HIF3A: variants seen among roughly 807,000 people sequenced by gnomAD.
The protein encoded by HIF3A is hypoxia inducible factor 3 subunit alpha, also known as hypoxia-inducible factor 3-alpha.
In HIF3A, 41 loss-of-function variants were observed where a neutral mutation model predicts 67.2. That is an observed-to-expected ratio of 0.61 (90% CI 0.48 to 0.79). The LOEUF is 0.79. Among genes scored for constraint, HIF3A ranks in the 30% least tolerant of loss-of-function variants. The pLI is 0.00. For synonymous variants in HIF3A, 356 were observed against 374.8 expected, an observed-to-expected ratio of 0.95 and a Z score of 0.58; for missense variants, 855 against 898.0, an observed-to-expected ratio of 0.95 and a Z score of 0.61.
chr19:46,297,123 G>T lies in HIF3A; in HGVS notation c.26+21G>T. The T allele has an allele frequency of 8.1e-7, 1 of 1,239,090 alleles. No homozygotes were observed. Among genetic ancestry groups the T allele is most frequent in the Non-Finnish European group, 1.0e-6 (1 of 966,654 alleles). The allele number at this position is 1,239,090 out of a possible 1,614,324, so 76.8% of individuals were successfully genotyped here. On this transcript the variant is annotated intron_variant, in intron 1 of 14. Coordinates refer to ENST00000377670, the MANE Select transcript of HIF3A (RefSeq NM_152795.4). This position sits in a 1 kb window ranked among gnomAD's most constrained non-coding sequence, Gnocchi z 4.5. The stretch of plus-strand genomic sequence containing the variant: ...GCAAGGTACTGAAGTTCGGGGGCAG[G>T]AGTTCTGGGAATTGGGGGGCTCTCC...
intron 1 of HIF3A, among the ~76,000 whole-genome samples, chr19:46,302,234 A>T (rs568099907): frequency 1.3e-5 from 2 of 151,236 alleles, no homozygotes; most frequent in African/African-American, 4.9e-5. Flanking sequence ...GGTTCAAGCG[A>T]TTCTCCTGCC....
intron 8 of HIF3A, among the ~76,000 whole-genome samples, chr19:46,318,352 A>G (rs199847032): frequency 1.3e-5 from 2 of 151,804 alleles, no homozygotes; most frequent in Non-Finnish European, 2.9e-5. Context: ...GAGTTTGAGA[A>G]TAGTCTTGGC....
intron 13 of HIF3A, among the ~76,000 whole-genome samples, chr19:46,333,747 TTTC>T (rs1049755170): frequency 1.1e-4 from 17 of 151,412 alleles, no homozygotes; most frequent in African/African-American, 3.6e-4. Context: ...TTCCTTTCTT[TTTC>T]TTTTCTTTTC....
chr19:46,323,799 A>G (rs1040941763), intron 10 of HIF3A, among the ~76,000 whole-genome samples: 1 of 152,160 alleles, frequency 6.6e-6, no homozygotes, highest in African/African-American at 2.4e-5. Flanking sequence ...ACGAAAACCA[A>G]GCGAAAGGGG....
At chr19:46,336,095 T>C (rs976377969) in intron 14 of HIF3A, among the ~76,000 whole-genome samples, 2 of 130,090 alleles carry the variant, frequency 1.5e-5, no homozygotes, top group Non-Finnish European at 3.3e-5. Flanking sequence ...CTTTTTTTTT[T>C]TTTTTTTTTT....
intron 4 of HIF3A, 71 bp from the exon 5 acceptor site, chr19:46,308,592 C>A: frequency 1.1e-6 from 1 of 903,862 alleles, no homozygotes; most frequent in Non-Finnish European, 1.7e-6. Flanking sequence ...CCTGAGCAGC[C>A]AGGGTGCCGG....
chr19:46,321,505 A>G (rs1342475888), intron 9 of HIF3A, among the ~76,000 whole-genome samples: 1 of 152,096 alleles, frequency 6.6e-6, no homozygotes, highest in African/African-American at 2.4e-5. Context: ...AATTGCTCGA[A>G]CCCAGGAGGC....
intron 14 of HIF3A, among the ~76,000 whole-genome samples, chr19:46,339,206 T>TA (rs898601516): frequency 2.2e-4 from 34 of 151,200 alleles, no homozygotes; most frequent in Non-Finnish European, 3.8e-4. Context: ...CCACCTTATC[T>TA]AAAAAAAAAT....
In HIF3A at chr19:46,322,504, A is replaced by G. The variant is rs190311970; in HGVS notation, c.1335+538A>G. On this transcript the variant is annotated intron_variant, in intron 10 of 14. Coordinates refer to ENST00000377670, the MANE Select transcript of HIF3A (RefSeq NM_152795.4). The stretch of plus-strand genomic sequence containing the variant: ...ACCCAGGCTGGAATGCAGTGGCGCA[A>G]TCTCGGCTCACTGCAACCTCCACCT... 2.5e-3 allele frequency among the ~76,000 whole-genome samples: 376 copies of G among 152,202 alleles called. 9 individuals carry two copies. The highest frequency in any genetic ancestry group is 7.7e-4 in the East Asian group (4 of 5,182).
chr19:46,318,444 G>A (rs1367186149), intron 8 of HIF3A, among the ~76,000 whole-genome samples: 2 of 147,236 alleles, frequency 1.4e-5, no homozygotes, highest in East Asian at 4.4e-4. Context: ...CAGCTACTCA[G>A]GAGGCTGAAG....
chr19:46,309,123 T>G, intron 5 of HIF3A, 28 bp from the exon 6 acceptor site: 1 of 1,592,316 alleles, frequency 6.3e-7, no homozygotes, highest in Non-Finnish European at 8.6e-7. Flanking sequence ...GAGGCACCAC[T>G]GCCTTGTCCC....
chr19:46,304,996 G>C (rs977461285), intron 2 of HIF3A: 1 of 600,458 alleles, frequency 1.7e-6, no homozygotes, highest in Admixed American at 2.4e-5. Context: ...TTAGAATTCT[G>C]TTCCCTTGGG....
chr19:46,330,025 G>A (rs543386392), intron 12 of HIF3A, among the ~76,000 whole-genome samples: 1 of 135,920 alleles, frequency 7.4e-6, no homozygotes, highest in East Asian at 2.6e-4. Context: ...AGGGAGGAAG[G>A]AAAGAAGAAG....
intron 8 of HIF3A, among the ~76,000 whole-genome samples, chr19:46,316,802 CAAA>C (rs35910734): frequency 8.3e-6 from 1 of 120,528 alleles, no homozygotes; most frequent in Non-Finnish European, 1.7e-5. Flanking sequence ...GACTCCATCT[CAAA>C]AAAAAAAAAA....
intron 14 of HIF3A, among the ~76,000 whole-genome samples, chr19:46,335,235 C>T (rs1033314609): frequency 5.3e-5 from 8 of 149,848 alleles, no homozygotes; most frequent in East Asian, 3.9e-4. Flanking sequence ...GGAGCCTGCA[C>T]GCCTATGATC....
chr19:46,303,546 C>A, intron 1 of HIF3A: 2 of 1,419,452 alleles, frequency 1.4e-6, no homozygotes, highest in Non-Finnish European at 9.5e-7. Flanking sequence ...AGCCCCCTCC[C>A]AGCAGGGGCC....
rs1449411276 is a variant in HIF3A, at chr19:46,342,722, T to G, written c.*3100T>G. 1 of 152,138 alleles carries G rather than the reference T, an allele frequency of 6.6e-6. No homozygotes were observed. Among genetic ancestry groups the G allele is most frequent in the Non-Finnish European group, 1.5e-5 (1 of 68,030 alleles). The allele number at this position is 152,138 out of a possible 1,614,324, so 9.4% of individuals were successfully genotyped here. A position where few individuals can be genotyped will look rare whatever the true frequency, so the allele number is the denominator to read the frequency against. ...TGGTTCTGAATCTTATAACCTCAAC[T>G]CCCTAATTCCAGACCCCAGCCTCCT... is the stretch of plus-strand genomic sequence containing the variant. On this transcript the variant is annotated 3_prime_UTR_variant, in exon 15 of 15. Coordinates refer to ENST00000377670, the MANE Select transcript of HIF3A (RefSeq NM_152795.4).
intron 8 of HIF3A, among the ~76,000 whole-genome samples, chr19:46,318,232 A>G (rs1970072888): frequency 6.6e-6 from 1 of 151,034 alleles, no homozygotes; most frequent in South Asian, 2.1e-4. Flanking sequence ...TTTCTTTGAG[A>G]CAGAGCCTTG....
At chr19:46,306,479 G>A (rs573427897) in intron 3 of HIF3A, 4 of 152,192 alleles carry the variant, frequency 2.6e-5, no homozygotes, top group Non-Finnish European at 5.9e-5. Context: ...AATTAACATG[G>A]AAGGCTTCAT....
Sources: gnomAD v4.1 joint callset for allele counts (sites outside exome capture counted in the v4.1 genomes callset) on GRCh38, gnomAD v4.1.1 for gene constraint, Gnocchi (gnomAD v3.1) non-coding constraint, MANE v1.5 for transcripts, NCBI Gene and HGNC (gene_info 2026-07-23, HGNC 2026-07-21) for gene names.